The following TAF4 variants were observed in gnomAD, a reference collection of about 807,000 sequenced individuals.
TAF4 encodes the protein TATA-box binding protein associated factor 4.
In TAF4, 9 loss-of-function variants were observed where a neutral mutation model predicts 90.3. The observed-to-expected ratio is 0.10, with a 90% CI of 0.06 to 0.17. The LOEUF (loss-of-function observed/expected upper bound fraction) is 0.17. Ranked by LOEUF, TAF4 falls within the 10% of genes least tolerant of loss-of-function variation. The pLI is 1.00. For missense variants in TAF4, 1,351 were observed against 1,370.7 expected (o/e 0.99, Z 0.23); for synonymous variants, 818 against 638.9 (o/e 1.28, Z -4.23).
Position 62,000,106 on chromosome 20 carries a change from C to T in TAF4, c.2787+18G>A, listed in dbSNP as rs763740249. 1.9e-5 allele frequency: 31 copies of T among 1,614,214 alleles called. No homozygotes were observed. The highest frequency in any genetic ancestry group is 1.6e-4 in the East Asian group (7 of 44,884). ...GCCAACAACATAAAGACGCTCTCCT[C>T]GGCAAACAGCCTGTTACCTTGTAAG... On this transcript the variant is annotated intron_variant, in intron 11 of 14. Coordinates refer to ENST00000252996, the MANE Select transcript of TAF4 (RefSeq NM_003185.4).
At chr20:62,036,480 T>C (rs1486020743) in intron 1 of TAF4, among the ~76,000 whole-genome samples, 1 of 152,134 alleles carries the variant, frequency 6.6e-6, no homozygotes, top group African/African-American at 2.4e-5. Flanking sequence ...GCAACTAACA[T>C]TACTCATGCA....
chr20:62,012,556 G>A, intron 3 of TAF4: 1 of 367,426 alleles, frequency 2.7e-6, no homozygotes, highest in Non-Finnish European at 4.7e-6. Context: ...CTTCCAACAT[G>A]GTGGAAAGCT....
chr20:61,978,553 AAAG>A (rs1301866463), intron 14 of TAF4, among the ~76,000 whole-genome samples: 1 of 150,692 alleles, frequency 6.6e-6, no homozygotes, highest in Admixed American at 6.6e-5. Context: ...GAGACCAACC[AAAG>A]GAGGGGGTGA....
At chr20:62,013,950 T>TGTGTGTGTGTGAGA (rs1491288481) in intron 2 of TAF4, among the ~76,000 whole-genome samples, 2 of 126,298 alleles carry the variant, frequency 1.6e-5, no homozygotes, top group African/African-American at 6.1e-5. Context: ...TGTGTGTGTG[T>TGTGTGTGTGTGAGA]GAATCCGTGC....
chr20:61,997,841 T>C (rs1475419208), intron 13 of TAF4, among the ~76,000 whole-genome samples, 172 bp from the exon 14 acceptor site: 1 of 152,230 alleles, frequency 6.6e-6, no homozygotes, highest in Non-Finnish European at 1.5e-5. Flanking sequence ...AATAAGATTT[T>C]TTTTAATGCA....
At chr20:62,054,105 C>T (rs560590758) in intron 1 of TAF4, among the ~76,000 whole-genome samples, 4 of 152,350 alleles carry the variant, frequency 2.6e-5, no homozygotes, top group African/African-American at 9.6e-5. Flanking sequence ...CAGGATATTC[C>T]CTTCTGTGGA....
rs1312895624 is a variant in TAF4, at chr20:62,014,529, G to A, written c.1521+18C>T. 2 of 1,588,938 alleles carry A rather than the reference G, an allele frequency of 1.3e-6. No homozygotes were observed. The highest frequency in any genetic ancestry group is 2.3e-5 in the East Asian group (1 of 44,294). ...GGGCAGGGAAGGGGTTCGCACTCCA[G>A]GGCACACGTGCACTCACCTGTACGG... On this transcript the variant is annotated intron_variant, in intron 2 of 14. Coordinates refer to ENST00000252996, the MANE Select transcript of TAF4 (RefSeq NM_003185.4).
intron 1 of TAF4, among the ~76,000 whole-genome samples, chr20:62,016,982 A>T (rs555723742): frequency 5.3e-5 from 8 of 151,608 alleles, no homozygotes; most frequent in South Asian, 2.1e-4. Flanking sequence ...CAAAAAAAAA[A>T]TTTTTTTTTA....
At chr20:61,999,366 C>T (rs1000084670) in intron 11 of TAF4, among the ~76,000 whole-genome samples, 3 of 152,216 alleles carry the variant, frequency 2.0e-5, no homozygotes, top group Non-Finnish European at 4.4e-5. Context: ...CACTTTGATG[C>T]TGTCAGATTT....
chr20:61,997,757 T>C (rs1395084900), intron 13 of TAF4, 88 bp from the exon 14 acceptor site: 8 of 1,422,012 alleles, frequency 5.6e-6, no homozygotes, highest in Non-Finnish European at 7.4e-6. Flanking sequence ...GAAAGGGTTT[T>C]CTGTAGTTTT....
intron 14 of TAF4, among the ~76,000 whole-genome samples, chr20:61,989,178 A>G (rs2055615356): frequency 1.3e-5 from 2 of 150,776 alleles, no homozygotes; most frequent in East Asian, 1.9e-4. Context: ...CACACCACAC[A>G]CTCCCCTACA....
intron 1 of TAF4, among the ~76,000 whole-genome samples, chr20:62,031,874 A>G (rs986584592): frequency 6.6e-6 from 1 of 152,120 alleles, no homozygotes; most frequent in African/African-American, 2.4e-5. Flanking sequence ...CCCGTGGAAC[A>G]GCCCGGGAAG....
chr20:62,005,089 T>A (rs1400852763), intron 7 of TAF4: 1 of 152,336 alleles, frequency 6.6e-6, no homozygotes, highest in Non-Finnish European at 1.5e-5. Flanking sequence ...AATGCAAACA[T>A]GTCTCCAACG....
At position 62,065,491 on chromosome 20, in the gene TAF4, G is replaced by T; in HGVS notation, c.320C>A (p.Pro107His). 1 of 971,158 alleles carries T rather than the reference G, an allele frequency of 1.0e-6. No homozygotes were observed. The highest frequency in any genetic ancestry group is 4.6e-5 in the South Asian group (1 of 21,796). 60.2% of individuals were successfully genotyped at this position (971,158 alleles called of 1,614,324 possible). A position where few individuals can be genotyped will look rare whatever the true frequency, so the allele number is the denominator to read the frequency against. Residue 107 changes from proline to histidine, a missense_variant, in exon 1 of 15, where the codon CCC becomes CAC. Physicochemically the swap from Pro to His is moderately conservative, Grantham distance 77. Transcript: ENST00000252996. The part of the protein sequence containing the change: ...PGGGGPQRPG[P>H]PSPRRPLVPA... ...GACAAGGGGGCGGCGCGGTGAGGGGGGGCCCGGGCGCTGCGGCCCCCCGCC... is the reference window on the plus strand; with the variant it reads ...GACAAGGGGGCGGCGCGGTGAGGGGTGGCCCGGGCGCTGCGGCCCCCCGCC...
chr20:61,998,333 C>A, intron 12 of TAF4, 141 bp from the exon 13 acceptor site: 3 of 834,132 alleles, frequency 3.6e-6, no homozygotes, highest in South Asian at 2.0e-5. Flanking sequence ...ATGCTTATAG[C>A]CAAAGATGAA....
chr20:62,049,391 C>T (rs1277229232), intron 1 of TAF4, among the ~76,000 whole-genome samples: 1 of 152,164 alleles, frequency 6.6e-6, no homozygotes, highest in Non-Finnish European at 1.5e-5. Flanking sequence ...AACACACAGG[C>T]CCACTTCTGC....
intron 11 of TAF4, among the ~76,000 whole-genome samples, 167 bp from the exon 12 acceptor site, chr20:61,999,275 C>T (rs76539668): frequency 1.3e-5 from 2 of 152,306 alleles, no homozygotes; most frequent in East Asian, 3.9e-4. Flanking sequence ...CCCGAGAGCT[C>T]TATCGATGCT....
Position 62,006,806 on chromosome 20 carries a change from G to T in TAF4, c.1975-48C>A, listed in dbSNP as rs567110556. On this transcript the variant is annotated intron_variant, in intron 6 of 14. Transcript: ENST00000252996. The surrounding 1 kb of genome is among the most constrained non-coding windows in gnomAD (Gnocchi z 7.0). ...GGGGTCAGGCGGCTGCTCATGCGTCGGTTTTCCTTGCTTAAAAATTCAGAA... is the reference window on the plus strand; with the variant it reads ...GGGGTCAGGCGGCTGCTCATGCGTCTGTTTTCCTTGCTTAAAAATTCAGAA... The T allele has an allele frequency of 2.1e-6, 3 of 1,416,966 alleles. No individual in the cohort carries two copies. The highest frequency in any genetic ancestry group is 2.8e-6 in the Non-Finnish European group (3 of 1,075,178). 87.8% of individuals were successfully genotyped at this position (1,416,966 alleles called of 1,614,324 possible).
intron 14 of TAF4, among the ~76,000 whole-genome samples, chr20:61,992,007 C>A (rs1051113520): frequency 2.6e-5 from 4 of 152,102 alleles, no homozygotes; most frequent in African/African-American, 9.7e-5. Flanking sequence ...ACAACGTGAG[C>A]CAAAAAACAG....
Sources: allele counts gnomAD v4.1 joint callset (sites outside exome capture counted in the v4.1 genomes callset), GRCh38; gene constraint gnomAD v4.1.1; non-coding constraint Gnocchi (gnomAD v3.1); transcripts MANE v1.5; gene names NCBI Gene and HGNC (gene_info 2026-07-23, HGNC 2026-07-21).